WDPCP: variants seen among roughly 807,000 people sequenced by gnomAD.
The protein encoded by WDPCP is WD repeat containing planar cell polarity effector.
Under a neutral mutation model 93.1 loss-of-function variants are expected in WDPCP, and 71 were observed. The observed-to-expected ratio is 0.76, with a 90% CI of 0.63 to 0.93. The LOEUF (loss-of-function observed/expected upper bound fraction) is 0.93, where lower values mean the gene tolerates loss of function less well. Ranked by LOEUF, WDPCP falls within the 40% of genes least tolerant of loss-of-function variation. The pLI is 0.00. For synonymous variants in WDPCP, 315 were observed against 315.0 expected, an observed-to-expected ratio of 1.00 and a Z score of 0.00; for missense variants, 844 against 887.4, an observed-to-expected ratio of 0.95 and a Z score of 0.62.
intron 2 of WDPCP, among the ~76,000 whole-genome samples, chr2:63,704,159 C>T (rs183576953): frequency 6.6e-6 from 1 of 152,036 alleles, no homozygotes; most frequent in African/African-American, 2.4e-5. Flanking sequence ...TTGTATCCTG[C>T]GACTTTGCTG....
intron 17 of WDPCP, among the ~76,000 whole-genome samples, chr2:63,122,923 C>T (rs1176040004): frequency 6.6e-6 from 1 of 151,440 alleles, no homozygotes; most frequent in Non-Finnish European, 1.5e-5. Flanking sequence ...AAAAGCCTTT[C>T]AGAAAGTCTG....
chr2:63,235,220 A>G (rs886389628), intron 14 of WDPCP, among the ~76,000 whole-genome samples: 1 of 152,174 alleles, frequency 6.6e-6, no homozygotes, highest in Non-Finnish European at 1.5e-5. Flanking sequence ...AAACACCTCA[A>G]TGTACACAAA....
At chr2:63,293,139 T>C (rs1684571237) in intron 13 of WDPCP, among the ~76,000 whole-genome samples, 1 of 152,168 alleles carries the variant, frequency 6.6e-6, no homozygotes, top group Non-Finnish European at 1.5e-5. Flanking sequence ...TGACTTGTAG[T>C]AGATTTAAGG....
intron 3 of WDPCP, among the ~76,000 whole-genome samples, chr2:63,636,859 G>C (rs550958179): frequency 2.8e-4 from 42 of 152,180 alleles, no homozygotes; most frequent in African/African-American, 8.4e-4. Flanking sequence ...TGGGAAACAG[G>C]ATATCCACAT....
chr2:63,499,591 A>C (rs563605329), intron 1 of WDPCP, among the ~76,000 whole-genome samples: 1 of 152,360 alleles, frequency 6.6e-6, no homozygotes, highest in East Asian at 1.9e-4. Flanking sequence ...AATATTCAGT[A>C]ACAAGGACCT....
At chr2:63,703,203 G>C (rs1558888459) in intron 2 of WDPCP, among the ~76,000 whole-genome samples, 1 of 152,138 alleles carries the variant, frequency 6.6e-6, no homozygotes, top group Non-Finnish European at 1.5e-5. Flanking sequence ...TGTCTTTATA[G>C]CAGCATGATT....
intron 14 of WDPCP, among the ~76,000 whole-genome samples, chr2:63,238,342 C>T (rs1454982894): frequency 6.6e-6 from 1 of 152,044 alleles, no homozygotes; most frequent in Non-Finnish European, 1.5e-5. Flanking sequence ...CATGTGACTA[C>T]TGAATCTTGA....
chr2:63,261,682 T>C (rs1290711503), intron 13 of WDPCP, among the ~76,000 whole-genome samples: 1 of 152,194 alleles, frequency 6.6e-6, no homozygotes, highest in Non-Finnish European at 1.5e-5. Context: ...AATTGTCCTC[T>C]TTTAATTTCA....
chr2:63,231,405 T>C (rs1337316480), intron 14 of WDPCP, among the ~76,000 whole-genome samples: 2 of 152,200 alleles, frequency 1.3e-5, no homozygotes, highest in Non-Finnish European at 2.9e-5. Context: ...TGTTTGCAGA[T>C]GACATGATTA....
intron 6 of WDPCP, among the ~76,000 whole-genome samples, chr2:63,475,005 G>C (rs571900023): frequency 2.0e-5 from 3 of 151,934 alleles, no homozygotes; most frequent in African/African-American, 7.2e-5. Flanking sequence ...AAGCATGTCT[G>C]TTATTTTCAT....
At chr2:63,536,353 T>C (rs1704274486) in intron 1 of WDPCP, among the ~76,000 whole-genome samples, 1 of 152,198 alleles carries the variant, frequency 6.6e-6, no homozygotes, top group Non-Finnish European at 1.5e-5. Context: ...AGCCATCCCA[T>C]TACTGGGCAT....
chr2:63,439,906 G>T, intron 6 of WDPCP, 35 bp from the exon 7 acceptor site: 1 of 1,488,314 alleles, frequency 6.7e-7, no homozygotes, highest in Non-Finnish European at 9.4e-7. Flanking sequence ...GAGGGAGGAA[G>T]ACATGCTGTG....
At position 63,437,512 on chromosome 2, in the gene WDPCP, T is replaced by C. The variant is rs1027501157; in HGVS notation, c.542A>G (p.Gln181Arg). The C allele has an allele frequency of 1.3e-6, 2 of 1,598,718 alleles. No homozygotes were observed. The highest frequency in any genetic ancestry group is 1.7e-5 in the Admixed American group (1 of 57,750). ...DSFIILSFLA[Q>R]NKLCFIQFTK... ...AAACTGAATAAAACATAGTTTGTTT[T>C]GTGCCAAAAATGATAAGATGATAAA... The change falls in exon 8 of 18, where the codon CAA becomes CGA. Residue 181 changes from glutamine to arginine, a missense_variant. Transcript: ENST00000272321.
chr2:63,709,621 A>C (rs1669230440), intron 2 of WDPCP, among the ~76,000 whole-genome samples: 1 of 152,160 alleles, frequency 6.6e-6, no homozygotes, highest in Non-Finnish European at 1.5e-5. Flanking sequence ...ACTGCCTCTA[A>C]ATTGTTTCAA....
chr2:63,588,848 C>A, upstream of WDPCP: 1 of 664,240 alleles, frequency 1.5e-6, no homozygotes, highest in Non-Finnish European at 2.6e-6. Flanking sequence ...TAGTTCAACA[C>A]TTGAAGGAAA....
At chr2:63,429,449 A>T (rs1696561253) in intron 9 of WDPCP, among the ~76,000 whole-genome samples, 1 of 152,194 alleles carries the variant, frequency 6.6e-6, no homozygotes, top group African/African-American at 2.4e-5. Context: ...GCATCCAACA[A>T]AGGTCTAATA....
chr2:63,777,602 T>C (rs1670323804), intron 2 of WDPCP, among the ~76,000 whole-genome samples: 1 of 152,208 alleles, frequency 6.6e-6, no homozygotes, highest in South Asian at 2.1e-4. Context: ...GAATAAACTG[T>C]TGATACATGC....
chr2:63,490,129 TGAA>T (rs200735382), intron 2 of WDPCP, among the ~76,000 whole-genome samples: 2,046 of 145,468 alleles, frequency 0.014, 28 homozygotes, highest in Non-Finnish European at 0.022. Context: ...AGGCGGAGGA[TGAA>T]GAATAACCCA....
intron 12 of WDPCP, among the ~76,000 whole-genome samples, chr2:63,367,744 A>C (rs994206446): frequency 6.6e-6 from 1 of 152,206 alleles, no homozygotes; most frequent in Non-Finnish European, 1.5e-5. Context: ...TAAGTGTTCC[A>C]AAGAACTATA....
Sources: allele counts gnomAD v4.1 joint callset (sites outside exome capture counted in the v4.1 genomes callset), GRCh38; gene constraint gnomAD v4.1.1; transcripts MANE v1.5; gene names NCBI Gene and HGNC (gene_info 2026-07-23, HGNC 2026-07-21).